The following KIF26A variants were observed in gnomAD, a reference collection of about 807,000 sequenced individuals.
KIF26A encodes the protein kinesin family member 26A, also known as kinesin-like protein KIF26A.
In KIF26A, 74 loss-of-function variants were observed where a neutral mutation model predicts 126.0. The ratio of observed to expected loss-of-function variants is 0.59; its 90% CI spans 0.49 to 0.71. KIF26A has a LOEUF of 0.71. Among genes scored for constraint, KIF26A ranks in the 30% least tolerant of loss-of-function variants. KIF26A has a pLI of 0.00. For synonymous variants in KIF26A, 1,445 were observed against 1,232.7 expected, an observed-to-expected ratio of 1.17 and a Z score of -3.61; for missense variants, 2,984 against 2,763.3, an observed-to-expected ratio of 1.08 and a Z score of -1.79.
In KIF26A at chr14:104,152,089, C is replaced by T. The variant is rs376956256; in HGVS notation, c.363C>T (p.Ala121=). Residue 121 remains alanine, a synonymous_variant, in exon 3 of 15, where the codon GCC becomes GCT. Transcript: ENST00000423312. The surrounding 1 kb of genome is among the most constrained non-coding windows in gnomAD (Gnocchi z 5.9). ...CCCTGCCAGCCTGTCGCCCAGAGGC[C>T]GAGCGCCGCTGTGACGTCTGCGCCA... ...PGALPACRPE[A]ERRCDVCATH... The T allele has an allele frequency of 2.4e-5, 39 of 1,612,424 alleles. No homozygotes were observed. The highest frequency in any genetic ancestry group is 3.0e-5 in the Non-Finnish European group (35 of 1,179,774).
At chr14:104,143,478 T>G (rs1233493554) in intron 2 of KIF26A, among the ~76,000 whole-genome samples, 6 of 152,076 alleles carry the variant, frequency 3.9e-5, no homozygotes, top group Admixed American at 2.6e-4. Context: ...CAGCTTTTCG[T>G]TCCTCCTGCC....
At chr14:104,166,823 C>A in intron 4 of KIF26A, 36 bp from the exon 5 acceptor site, 2 of 1,505,134 alleles carry the variant, frequency 1.3e-6, no homozygotes, top group Non-Finnish European at 1.8e-6. Flanking sequence ...GCTGCTGTCA[C>A]CCACCACTGA....
At chr14:104,174,845 G>A in intron 11 of KIF26A, 137 bp from the exon 12 acceptor site, 1 of 889,694 alleles carries the variant, frequency 1.1e-6, no homozygotes, top group African/African-American at 1.7e-5. Flanking sequence ...CCAGCGTTTG[G>A]TGGGACATGG....
chr14:104,154,389 G>C (rs1183261546), intron 3 of KIF26A, among the ~76,000 whole-genome samples: 7 of 152,220 alleles, frequency 4.6e-5, no homozygotes, highest in Non-Finnish European at 8.8e-5. Flanking sequence ...GGTCCTTGGA[G>C]GGGTGGTGGG....
rs112804414 is a variant in KIF26A, at chr14:104,150,712, G to T, written c.289-1303G>T. 3.1e-4 allele frequency among the ~76,000 whole-genome samples: 47 copies of T among 152,344 alleles called. 1 individual carries two copies. The highest frequency in any genetic ancestry group is 1.1e-3 in the African/African-American group (47 of 41,584). ...TGTGGCCAACAGGGTGGCTGCATTG[G>T]AGTCCGGTCTTGCCTGGAATCCCTT... On this transcript the variant is annotated intron_variant, in intron 2 of 14. Coordinates refer to ENST00000423312, the MANE Select transcript of KIF26A (RefSeq NM_015656.2).
At chr14:104,138,990 G>T in intron 1 of KIF26A, 53 bp from the exon 2 acceptor site, 5 of 1,323,084 alleles carry the variant, frequency 3.8e-6, no homozygotes, top group Non-Finnish European at 4.8e-6. Context: ...CAGGGGTCTG[G>T]ATCCGACGGA....
chr14:104,148,182 C>A lies in KIF26A; in HGVS notation c.289-3833C>A, dbSNP rs1467519075. On this transcript the variant is annotated intron_variant, in intron 2 of 14. Transcript: ENST00000423312. The surrounding 1 kb of genome is among the most constrained non-coding windows in gnomAD (Gnocchi z 4.3). ...CACGCAGGAGAAAATGGAAGGATTA[C>A]TTAAAGCAACTCGGAGACCCCAGAA... 6.6e-6 allele frequency among the ~76,000 whole-genome samples: 1 copy of A among 152,160 alleles called. No individual in the cohort carries two copies. The highest frequency in any genetic ancestry group is 2.4e-5 in the African/African-American group (1 of 41,436).
chr14:104,161,790 A>G (rs1225752076), intron 4 of KIF26A, among the ~76,000 whole-genome samples: 1 of 152,212 alleles, frequency 6.6e-6, no homozygotes, highest in Non-Finnish European at 1.5e-5. Flanking sequence ...TCAGGGCATC[A>G]GGGCAGGCTT....
At chr14:104,157,545 C>T (rs1360806150) in intron 3 of KIF26A, among the ~76,000 whole-genome samples, 2 of 152,192 alleles carry the variant, frequency 1.3e-5, no homozygotes, top group Admixed American at 6.5e-5. Flanking sequence ...CGTGACCTCA[C>T]GGCCCAGGCA....
chr14:104,140,244 A>C (rs918670584), intron 2 of KIF26A, among the ~76,000 whole-genome samples: 3 of 151,800 alleles, frequency 2.0e-5, no homozygotes, highest in Admixed American at 2.0e-4. Context: ...GGCTCTCTGG[A>C]GTCTCGGCGA....
rs769489386 is a variant in KIF26A at position 104,175,640 on chromosome 14, C to T, written c.2852C>T (p.Pro951Leu). 1.3e-5 allele frequency: 21 copies of T among 1,610,366 alleles called. No individual in the cohort carries two copies. The highest frequency in any genetic ancestry group is 1.1e-4 in the East Asian group (5 of 44,858). ...GGAGGCAGGAGGCCACTGCCCAGCCCGGCTCCCCCACCTCCTCAGTTGCTG... is the reference window on the plus strand; with the variant it reads ...GGAGGCAGGAGGCCACTGCCCAGCCTGGCTCCCCCACCTCCTCAGTTGCTG... ...VSGGRRPLPS[P>L]APPPPQLLEA... Residue 951 changes from proline to leucine, a missense_variant, in exon 12 of 15, where the codon CCG becomes CTG. Physicochemically the swap from Pro to Leu is moderately conservative, Grantham distance 98. Transcript: ENST00000423312.
intron 3 of KIF26A, 33 bp from the exon 4 acceptor site, chr14:104,157,722 C>A: frequency 6.3e-7 from 1 of 1,596,084 alleles, no homozygotes; most frequent in Non-Finnish European, 8.5e-7. Context: ...TCTGCCCTTG[C>A]GTTCCTTATA....
chr14:104,176,491 C>G lies in KIF26A; in HGVS notation c.3703C>G (p.Arg1235Gly). 1 of 1,605,992 alleles carries G rather than the reference C, an allele frequency of 6.2e-7. No individual in the cohort carries two copies. The highest frequency in any genetic ancestry group is 8.5e-7 in the Non-Finnish European group (1 of 1,179,598). ...TCGCCTGGGCCAGAGCCCACCTGGC[C>G]GTGGAGGCCTGTTTGAGGACCCATG... The part of the protein sequence containing the change: ...CARLGQSPPG[R>G]GGLFEDPWLL... The change falls in exon 12 of 15, where the codon CGT becomes GGT. Residue 1235 changes from arginine to glycine, a missense_variant. By Grantham distance (125) the Arg-to-Gly change is moderately radical. Transcript: ENST00000423312.
chr14:104,174,099 C>T (rs192336798), intron 10 of KIF26A, 49 bp from the exon 11 acceptor site: 289 of 1,486,740 alleles, frequency 1.9e-4, no homozygotes, highest in Non-Finnish European at 2.4e-4. Flanking sequence ...AGCCTGTCCC[C>T]GAAGCTCCCT....
At chr14:104,154,934 C>T (rs2037762813) in intron 3 of KIF26A, among the ~76,000 whole-genome samples, 1 of 152,164 alleles carries the variant, frequency 6.6e-6, no homozygotes, top group African/African-American at 2.4e-5. Flanking sequence ...TGCAGGGGCC[C>T]TGGAGGGTGT....
At position 104,176,176 on chromosome 14, in the gene KIF26A, C is replaced by T. The variant is rs1433253813; in HGVS notation, c.3388C>T (p.Gln1130Ter). The change falls in exon 12 of 15, where the codon CAG becomes TAG. Residue 1130 changes from glutamine (Q) to a stop codon, truncating the protein, a stop_gained. Coordinates refer to ENST00000423312, the MANE Select transcript of KIF26A (RefSeq NM_015656.2). LOFTEE classifies it high-confidence loss of function. ...CTADSRDPTP[Q>*]PRFSPDSLAG... ...TGCCGACAGCCGTGACCCCACGCCGCAGCCCCGCTTCAGCCCCGACTCGCT... is the reference window on the plus strand; with the variant it reads ...TGCCGACAGCCGTGACCCCACGCCGTAGCCCCGCTTCAGCCCCGACTCGCT... 1.3e-6 allele frequency: 2 copies of T among 1,594,836 alleles called. No homozygotes were observed. Among genetic ancestry groups the T allele is most frequent in the Non-Finnish European group, 8.5e-7 (1 of 1,171,872 alleles).
chr14:104,163,234 C>G (rs1596141318), intron 4 of KIF26A, among the ~76,000 whole-genome samples: 1 of 152,272 alleles, frequency 6.6e-6, no homozygotes, highest in African/African-American at 2.4e-5. Flanking sequence ...CTGCCTGCCT[C>G]TGGCCTCGCC....
rs768622231 is a variant in KIF26A, at chr14:104,173,474, G to T, written c.1828G>T (p.Val610Phe). The change falls in exon 9 of 15, where the codon GTC (valine) becomes TTC (phenylalanine). Residue 610 changes from valine (V) to phenylalanine (F), a missense_variant. Coordinates refer to ENST00000423312, the MANE Select transcript of KIF26A (RefSeq NM_015656.2). ...CTCCCACATGTTGTTCACGCTGCACGTCTACCAGTACCGCATGGAGAAGTG... is the reference window on the plus strand; with the variant it reads ...CTCCCACATGTTGTTCACGCTGCACTTCTACCAGTACCGCATGGAGAAGTG... Reference protein sequence around the residue: ...RSSHMLFTLHVYQYRMEKCGR... With the variant: ...RSSHMLFTLHFYQYRMEKCGR... The T allele has an allele frequency of 6.3e-7, 1 of 1,586,178 alleles. No individual in the cohort carries two copies. The highest frequency in any genetic ancestry group is 8.6e-7 in the Non-Finnish European group (1 of 1,163,278).
intron 3 of KIF26A, among the ~76,000 whole-genome samples, chr14:104,155,222 C>G (rs2037765567): frequency 6.6e-6 from 1 of 152,188 alleles, no homozygotes; most frequent in Non-Finnish European, 1.5e-5. Flanking sequence ...AGGTGTTTAT[C>G]TGGGGGGCTG....
Sources: allele counts gnomAD v4.1 joint callset (sites outside exome capture counted in the v4.1 genomes callset), GRCh38; gene constraint gnomAD v4.1.1; non-coding constraint Gnocchi (gnomAD v3.1); transcripts MANE v1.5; gene names NCBI Gene and HGNC (gene_info 2026-07-23, HGNC 2026-07-21).